The following CACNB2 variants were observed in gnomAD, a reference collection of about 807,000 sequenced individuals.
The protein encoded by CACNB2 is calcium voltage-gated channel auxiliary subunit beta 2.
A neutral mutation model predicts 73.3 loss-of-function variants in CACNB2; 42 were observed. The ratio of observed to expected loss-of-function variants is 0.57; its 90% CI spans 0.45 to 0.74. CACNB2 has a LOEUF of 0.74. Ranked by LOEUF, CACNB2 falls within the 30% of genes least tolerant of loss-of-function variation. CACNB2 has a pLI of 0.00. For synonymous variants in CACNB2, 348 were observed against 310.3 expected (o/e 1.12, Z -1.28); for missense variants, 940 against 853.0 (o/e 1.10, Z -1.27).
intron 6 of CACNB2, chr10:18,513,069 C>G (rs12247578): frequency 0.021 from 3,298 of 155,478 alleles, 110 homozygotes; most frequent in African/African-American, 0.073. Flanking sequence ...GTGGATCACA[C>G]CGGCAGCAGC....
At chr10:18,531,504 T>G (rs2053027593) in intron 10 of CACNB2, among the ~76,000 whole-genome samples, 1 of 152,154 alleles carries the variant, frequency 6.6e-6, no homozygotes, top group Admixed American at 6.6e-5. Context: ...ATAGAATGAT[T>G]TATATTTCTT....
chr10:18,309,953 A>G (rs2039893730), intron 2 of CACNB2, among the ~76,000 whole-genome samples: 1 of 152,224 alleles, frequency 6.6e-6, no homozygotes, highest in African/African-American at 2.4e-5. Flanking sequence ...TTAGAAATGA[A>G]TAAAGTTATT....
intron 13 of CACNB2, 95 bp from the exon 14 acceptor site, chr10:18,539,135 G>T: frequency 6.6e-7 from 1 of 1,515,036 alleles, no homozygotes. Flanking sequence ...CTTTTCGGAT[G>T]CTTAAAAAGG....
intron 3 of CACNB2, among the ~76,000 whole-genome samples, chr10:18,458,718 A>G (rs190537755): frequency 3.7e-4 from 56 of 151,708 alleles, no homozygotes; most frequent in African/African-American, 1.3e-3. Context: ...TCAAAGGCCT[A>G]TGCATACTAT....
At chr10:18,322,345 G>A (rs989670285) in intron 2 of CACNB2, among the ~76,000 whole-genome samples, 4 of 152,264 alleles carry the variant, frequency 2.6e-5, no homozygotes, top group Non-Finnish European at 4.4e-5. Flanking sequence ...GGATGAAATC[G>A]CATGATTTGT....
intron 2 of CACNB2, among the ~76,000 whole-genome samples, chr10:18,237,832 G>C (rs1295990745): frequency 2.0e-5 from 3 of 152,216 alleles, no homozygotes; most frequent in Admixed American, 1.3e-4. Context: ...AGATGGAGTT[G>C]AGTTGTGTTC....
intron 2 of CACNB2, among the ~76,000 whole-genome samples, chr10:18,169,622 T>C (rs894071259): frequency 3.9e-5 from 6 of 152,322 alleles, no homozygotes; most frequent in Admixed American, 3.3e-4. Flanking sequence ...GCTTATATTT[T>C]GTAAGGTAGG....
At chr10:18,175,855 C>T (rs1156897815) in intron 2 of CACNB2, among the ~76,000 whole-genome samples, 1 of 152,208 alleles carries the variant, frequency 6.6e-6, no homozygotes, top group Non-Finnish European at 1.5e-5. Flanking sequence ...GCTTCAGCCT[C>T]CCAAAGTGCT....
chr10:18,356,284 C>G (rs145542770), intron 2 of CACNB2, among the ~76,000 whole-genome samples: 2 of 152,338 alleles, frequency 1.3e-5, no homozygotes, highest in African/African-American at 4.8e-5. Context: ...ATCACGCTAG[C>G]TCTGGGCACC....
At chr10:18,356,337 C>T (rs1305915223) in intron 2 of CACNB2, among the ~76,000 whole-genome samples, 1 of 152,178 alleles carries the variant, frequency 6.6e-6, no homozygotes, top group Non-Finnish European at 1.5e-5. Context: ...TGTCTCACTC[C>T]ACCTCATCAT....
intron 2 of CACNB2, among the ~76,000 whole-genome samples, chr10:18,381,653 T>C (rs2043023171): frequency 6.9e-6 from 1 of 144,494 alleles, no homozygotes; most frequent in East Asian, 2.1e-4. Context: ...AGGCCACTGC[T>C]CTCCAGCCTG....
At chr10:18,502,870 A>C (rs1245414598) in intron 5 of CACNB2, among the ~76,000 whole-genome samples, 3 of 152,006 alleles carry the variant, frequency 2.0e-5, no homozygotes, top group Admixed American at 2.0e-4. Context: ...TATGTTCATT[A>C]TCTGGGTGAC....
chr10:18,510,726 A>C (rs111721555), intron 6 of CACNB2, among the ~76,000 whole-genome samples: 1 of 152,202 alleles, frequency 6.6e-6, no homozygotes, highest in African/African-American at 2.4e-5. Flanking sequence ...CTGACATCCA[A>C]CTGGTTATCT....
In CACNB2 at chr10:18,542,555, T is replaced by G. The variant is rs1009371768; in HGVS notation, c.*2831T>G. Reference sequence around the variant, plus strand: ...CTTTCAAAAAGTAGTGGTGAGAGTTTCCATCTTTTTTATTTTGTATCTAGA... The same window carrying G: ...CTTTCAAAAAGTAGTGGTGAGAGTTGCCATCTTTTTTATTTTGTATCTAGA... On this transcript the variant is annotated 3_prime_UTR_variant, in exon 14 of 14. Coordinates refer to ENST00000324631, the MANE Select transcript of CACNB2 (RefSeq NM_201596.3). 7.2e-5 allele frequency: 11 copies of G among 152,212 alleles called. No homozygotes were observed. The highest frequency in any genetic ancestry group is 2.7e-4 in the African/African-American group (11 of 41,452). The allele number at this position is 152,212 out of a possible 1,614,324, so 9.4% of individuals were successfully genotyped here. A position where few individuals can be genotyped will look rare whatever the true frequency, so the allele number is the denominator to read the frequency against.
At chr10:18,500,270 C>T (rs2050121855) in intron 4 of CACNB2, among the ~76,000 whole-genome samples, 2 of 152,202 alleles carry the variant, frequency 1.3e-5, no homozygotes, top group South Asian at 2.1e-4. Flanking sequence ...ATTTAAGATA[C>T]ATATTCCACC....
rs1564553010 is a variant in CACNB2 at position 18,442,909 on chromosome 10, AATATATATATATATATGT to A, written c.333+40881_333+40898del. Among the ~76,000 whole-genome samples the A allele has an allele frequency of 3.9e-3, 403 of 104,394 alleles. 39 individuals carry two copies. Among genetic ancestry groups the A allele is most frequent in the African/African-American group, 0.014 (372 of 25,690 alleles). 68.5% of individuals were successfully genotyped at this position (104,394 alleles called of 152,430 possible). A position where few individuals can be genotyped will look rare whatever the true frequency, so the allele number is the denominator to read the frequency against. ...TGTTGTTGGGTCTACATGTAAAAAC[AATATATATATATATATGT>A]ATATATATATATATGTGTATATATA... On this transcript the variant is annotated intron_variant, in intron 3 of 13. Coordinates refer to ENST00000324631, the MANE Select transcript of CACNB2 (RefSeq NM_201596.3).
chr10:18,309,493 C>T (rs1425401443), intron 2 of CACNB2, among the ~76,000 whole-genome samples: 2 of 152,094 alleles, frequency 1.3e-5, no homozygotes, highest in Non-Finnish European at 2.9e-5. Context: ...GAGCCTCGCT[C>T]TGTCGCCAGG....
intron 3 of CACNB2, among the ~76,000 whole-genome samples, chr10:18,473,773 C>A (rs1284142519): frequency 6.6e-6 from 1 of 152,186 alleles, no homozygotes; most frequent in Non-Finnish European, 1.5e-5. Flanking sequence ...ATATACTTAT[C>A]TTTTCCTAGC....
intron 3 of CACNB2, among the ~76,000 whole-genome samples, chr10:18,485,717 A>G (rs1293784981): frequency 6.6e-5 from 10 of 151,830 alleles, no homozygotes; most frequent in East Asian, 1.9e-4. Context: ...ACCCACCACC[A>G]TGCTTGGCTA....
Sources: gnomAD v4.1 joint callset for allele counts (sites outside exome capture counted in the v4.1 genomes callset) on GRCh38, gnomAD v4.1.1 for gene constraint, MANE v1.5 for transcripts, NCBI Gene and HGNC (gene_info 2026-07-23, HGNC 2026-07-21) for gene names.